CABIN1: variants seen among roughly 807,000 people sequenced by gnomAD.
CABIN1 encodes the protein calcineurin-binding protein cabin-1.
A neutral mutation model predicts 227.7 loss-of-function variants in CABIN1; 133 were observed. That is an observed-to-expected ratio of 0.58 (90% CI 0.51 to 0.67). The LOEUF is 0.67. CABIN1 is among the 30% of genes least tolerant of loss of function. The pLI is 0.00. For missense variants in CABIN1, 2,408 were observed against 2,852.5 expected, an observed-to-expected ratio of 0.84 and a Z score of 3.55; for synonymous variants, 1,086 against 1,155.1, an observed-to-expected ratio of 0.94 and a Z score of 1.21.
chr22:24,042,358 A>C (rs925703471), intron 5 of CABIN1, among the ~76,000 whole-genome samples: 5 of 152,218 alleles, frequency 3.3e-5, no homozygotes, highest in African/African-American at 9.6e-5. Flanking sequence ...AGGCAGGAGG[A>C]TCACTTGAGG....
intron 27 of CABIN1, among the ~76,000 whole-genome samples, chr22:24,117,025 G>GA (rs2043127046): frequency 6.6e-6 from 1 of 152,224 alleles, no homozygotes; most frequent in African/African-American, 2.4e-5. Flanking sequence ...TCCTGGCCGG[G>GA]AAACGTGGTG....
In CABIN1 at chr22:24,072,349, G is replaced by A. The variant is rs1488054818; in HGVS notation, c.2476-5G>A. 11 of 1,614,046 alleles carry A rather than the reference G, an allele frequency of 6.8e-6. No homozygotes were observed. Among genetic ancestry groups the A allele is most frequent in the Non-Finnish European group, 9.3e-6 (11 of 1,180,036 alleles). On this transcript the variant is annotated splice_region_variant and splice_polypyrimidine_tract_variant and intron_variant, in intron 17 of 36. Transcript: ENST00000263119. Reference sequence around the variant, plus strand: ...CTTCTGCTGTCTCCCACCCCGCACTGTCAGGTCATTGACTGCAGCATGGCT... The same window carrying A: ...CTTCTGCTGTCTCCCACCCCGCACTATCAGGTCATTGACTGCAGCATGGCT...
At chr22:24,099,360 G>A (rs1018322992) in intron 26 of CABIN1, among the ~76,000 whole-genome samples, 4 of 152,190 alleles carry the variant, frequency 2.6e-5, no homozygotes, top group Non-Finnish European at 5.9e-5. Context: ...GACCTGCAGT[G>A]TCCCCTCCTG....
At chr22:24,041,416 C>T in intron 5 of CABIN1, 143 bp downstream of exon 5, 5 of 1,046,932 alleles carry the variant, frequency 4.8e-6, no homozygotes, top group Non-Finnish European at 7.2e-6. Flanking sequence ...AGGGTAGGTC[C>T]ATAGGTGATA....
At chr22:24,048,423 A>AT (rs549013963) in intron 6 of CABIN1, among the ~76,000 whole-genome samples, 1,713 of 147,512 alleles carry the variant, frequency 0.012, 27 homozygotes, top group Middle Eastern at 0.042. Flanking sequence ...TGGTTTTGAG[A>AT]TTTTTTTTTT....
intron 35 of CABIN1, among the ~76,000 whole-genome samples, chr22:24,176,722 G>A (rs987782698): frequency 1.3e-5 from 2 of 152,160 alleles, no homozygotes; most frequent in Non-Finnish European, 2.9e-5. Context: ...AGGCGTCCCC[G>A]TCGACAGCCA....
Position 24,038,475 on chromosome 22 carries a change from A to AG in CABIN1, c.210+16dup, listed in dbSNP as rs1476491200. 1 of 1,592,698 alleles carries AG rather than the reference A, an allele frequency of 6.3e-7. No individual in the cohort carries two copies. Among genetic ancestry groups the AG allele is most frequent in the South Asian group, 1.1e-5 (1 of 90,532 alleles). ...CTGCTGCGGGAGGTGAGGCATCAGC[A>AG]GGCCAGGCAGTGTGCCGTGGTGGTT... is the stretch of plus-strand genomic sequence containing the variant. On this transcript the variant is annotated intron_variant, in intron 4 of 36. Transcript: ENST00000263119.
At chr22:24,031,237 A>G (rs2036470131) in intron 1 of CABIN1, among the ~76,000 whole-genome samples, 1 of 152,170 alleles carries the variant, frequency 6.6e-6, no homozygotes. Context: ...GTGTCTTGGC[A>G]TAAGTGCCAC....
intron 20 of CABIN1, 41 bp from the exon 21 acceptor site, chr22:24,084,538 C>T (rs369651766): frequency 1.3e-6 from 2 of 1,506,364 alleles, no homozygotes; most frequent in Admixed American, 1.7e-5. Context: ...CTTCATTTAC[C>T]CTGAATGTGT....
intron 26 of CABIN1, among the ~76,000 whole-genome samples, chr22:24,100,146 T>TA (rs111515564): frequency 0.011 from 1,611 of 152,174 alleles, 24 homozygotes; most frequent in African/African-American, 0.036. Flanking sequence ...AACATTTGTT[T>TA]AAAAAAAATG....
chr22:24,084,475 AC>A, intron 20 of CABIN1, 103 bp from the exon 21 acceptor site: 1 of 946,872 alleles, frequency 1.1e-6, no homozygotes, highest in Non-Finnish European at 1.7e-6. Flanking sequence ...ATATGCCATA[AC>A]CTCATTTACA....
intron 28 of CABIN1, among the ~76,000 whole-genome samples, chr22:24,133,311 C>T (rs1480361254): frequency 6.6e-6 from 1 of 152,230 alleles, no homozygotes; most frequent in Non-Finnish European, 1.5e-5. Context: ...GCTGGAGTTG[C>T]ACTTTTGCCT....
rs777485859 is a variant in CABIN1, at chr22:24,038,357, G to C, written c.106G>C (p.Ala36Pro). 6 of 1,613,402 alleles carry C rather than the reference G, an allele frequency of 3.7e-6. No homozygotes were observed. The highest frequency in any genetic ancestry group is 2.2e-5 in the South Asian group (2 of 91,066). Residue 36 changes from alanine (A) to proline (P), a missense_variant, in exon 4 of 37, where the codon GCT becomes CCT. Transcript: ENST00000263119. ...TTGTCTTGATTTGCAGGAAGCAGAG[G>C]CTTTTGCATTGTACCACAAGGCCCT... is the stretch of plus-strand genomic sequence containing the variant. ...TQTKEAQEAEAFALYHKALDL... is the reference protein window; with the variant it reads ...TQTKEAQEAEPFALYHKALDL...
At chr22:24,095,815 G>C in intron 24 of CABIN1, 116 bp from the exon 25 acceptor site, 1 of 1,081,730 alleles carries the variant, frequency 9.2e-7, no homozygotes, top group East Asian at 2.4e-5. Context: ...AAAACAAGCA[G>C]TGTGTGGCAG....
chr22:24,055,505 G>T (rs2038724266), intron 9 of CABIN1, among the ~76,000 whole-genome samples: 1 of 152,212 alleles, frequency 6.6e-6, no homozygotes, highest in Admixed American at 6.5e-5. Context: ...GCTGGCAGAG[G>T]TCCCCTCTTC....
In CABIN1 at chr22:24,171,752, G is replaced by A. The variant is rs749661166; in HGVS notation, c.5797G>A (p.Asp1933Asn). 4 of 1,614,194 alleles carry A rather than the reference G, an allele frequency of 2.5e-6. No individual in the cohort carries two copies. The highest frequency in any genetic ancestry group is 1.7e-6 in the Non-Finnish European group (2 of 1,180,032). ...DTPTTPKHPKDSRENFFPVTV... is the reference protein window; with the variant it reads ...DTPTTPKHPKNSRENFFPVTV... ...CCCCACCACTCCAAAGCACCCCAAA[G>A]ACAGCCGAGAGAACTTCTTTCCTGT... The change falls in exon 34 of 37, where the codon GAC (aspartate) becomes AAC (asparagine). Residue 1933 changes from aspartate (D) to asparagine (N), a missense_variant. Physicochemically the swap from Asp to Asn is conservative, Grantham distance 23. Coordinates refer to ENST00000263119, the MANE Select transcript of CABIN1 (RefSeq NM_012295.4).
intron 29 of CABIN1, chr22:24,156,084 C>A (rs1158902453): frequency 4.8e-6 from 2 of 417,364 alleles, no homozygotes; most frequent in South Asian, 6.4e-5. Flanking sequence ...CGGGTAGGAA[C>A]TTGGCGGGGG....
At chr22:24,058,681 T>A (rs2038976589) in intron 10 of CABIN1, among the ~76,000 whole-genome samples, 1 of 152,248 alleles carries the variant, frequency 6.6e-6, no homozygotes, top group Non-Finnish European at 1.5e-5. Flanking sequence ...CACCAGGTGC[T>A]CTTCTGGCCT....
Position 24,070,826 on chromosome 22 carries a change from T to C in CABIN1, c.2259T>C (p.Tyr753=). Residue 753 remains tyrosine (Y), a synonymous_variant, in exon 17 of 37, where the codon TAT becomes TAC. Coordinates refer to ENST00000263119, the MANE Select transcript of CABIN1 (RefSeq NM_012295.4). ...ACTCCTTGCTCCGGCTGAAGGACTA[T>C]CGGCAGTGTTTTGAGTGTTCCGATG... ...LQDSLLRLKD[Y]RQCFECSDVA... The C allele has an allele frequency of 6.2e-7, 1 of 1,614,256 alleles. No homozygotes were observed. The highest frequency in any genetic ancestry group is 8.5e-7 in the Non-Finnish European group (1 of 1,180,042).
Sources: gnomAD v4.1 joint callset for allele counts (sites outside exome capture counted in the v4.1 genomes callset) on GRCh38, gnomAD v4.1.1 for gene constraint, MANE v1.5 for transcripts, NCBI Gene and HGNC (gene_info 2026-07-23, HGNC 2026-07-21) for gene names.